The following SOX6 variants were observed in gnomAD, a reference collection of about 807,000 sequenced individuals.
SOX6 encodes transcription factor SOX-6.
Under a neutral mutation model 97.8 loss-of-function variants are expected in SOX6, and 11 were observed. That is an observed-to-expected ratio of 0.11 (90% CI 0.07 to 0.19). SOX6 has a LOEUF of 0.19. SOX6 is among the 10% of genes least tolerant of loss of function. The pLI, the probability that SOX6 is intolerant of heterozygous loss-of-function variation, is 1.00. For synonymous variants in SOX6, 360 were observed against 371.4 expected, an observed-to-expected ratio of 0.97 and a Z score of 0.35; for missense variants, 810 against 1,039.5, an observed-to-expected ratio of 0.78 and a Z score of 3.04.
intron 1 of SOX6, among the ~76,000 whole-genome samples, chr11:16,464,097 T>C (rs1423894555): frequency 6.6e-6 from 1 of 152,196 alleles, no homozygotes; most frequent in Admixed American, 6.5e-5. Context: ...CCTTTTAAGA[T>C]CAAGATTATT....
chr11:16,238,990 AGTATCCAT>A, intron 3 of SOX6, among the ~76,000 whole-genome samples: 1 of 152,246 alleles, frequency 6.6e-6, no homozygotes, highest in South Asian at 2.1e-4. Context: ...ACTTATCAAA[AGTATCCAT>A]GACCTTGGTT....
At chr11:16,212,899 GT>G (rs1331680553) in intron 4 of SOX6, among the ~76,000 whole-genome samples, 1 of 152,150 alleles carries the variant, frequency 6.6e-6, no homozygotes, top group Non-Finnish European at 1.5e-5. Flanking sequence ...GTTCCATGAT[GT>G]TAAAGGCCAG....
At chr11:16,688,838 G>A (rs1397587749) in intron 3 of SOX6, among the ~76,000 whole-genome samples, 2 of 152,208 alleles carry the variant, frequency 1.3e-5, no homozygotes, top group Non-Finnish European at 2.9e-5. Context: ...CTTGATGGGT[G>A]TTGGATGTTT....
chr11:16,644,733 C>G (rs899036247), intron 3 of SOX6, among the ~76,000 whole-genome samples: 1 of 152,138 alleles, frequency 6.6e-6, no homozygotes, highest in Non-Finnish European at 1.5e-5. Context: ...TATATATTCT[C>G]TGTTTGTTGG....
intron 3 of SOX6, among the ~76,000 whole-genome samples, chr11:16,287,912 T>C (rs142637848): frequency 2.4e-4 from 37 of 152,246 alleles, no homozygotes; most frequent in Middle Eastern, 3.4e-3. Context: ...GAAAGATGGG[T>C]TGTAAATGAA....
chr11:16,171,221 C>T (rs1425066416), intron 6 of SOX6, among the ~76,000 whole-genome samples: 1 of 151,952 alleles, frequency 6.6e-6, no homozygotes, highest in African/African-American at 2.4e-5. Flanking sequence ...GCACAAGAAA[C>T]TTCACCCTAC....
chr11:16,187,447 A>T (rs1851510235), intron 4 of SOX6, among the ~76,000 whole-genome samples: 2 of 152,162 alleles, frequency 1.3e-5, no homozygotes, highest in African/African-American at 4.8e-5. Context: ...AAGATATGTC[A>T]CTGAAGTTTA....
chr11:16,287,277 C>G (rs192397653), intron 3 of SOX6, among the ~76,000 whole-genome samples: 3 of 80,812 alleles, frequency 3.7e-5, no homozygotes, highest in Non-Finnish European at 8.7e-5. Context: ...CTCTCTCTCT[C>G]TCTCTCTCTC....
At chr11:16,445,559 T>G (rs1206775334) in intron 1 of SOX6, among the ~76,000 whole-genome samples, 1 of 152,210 alleles carries the variant, frequency 6.6e-6, no homozygotes, top group Non-Finnish European at 1.5e-5. Context: ...ATGTTCTTAC[T>G]GCACTGTATC....
At chr11:16,178,574 G>C (rs1349564837) in intron 6 of SOX6, among the ~76,000 whole-genome samples, 1 of 151,812 alleles carries the variant, frequency 6.6e-6, no homozygotes, top group Non-Finnish European at 1.5e-5. Context: ...CGGAAGCTAG[G>C]GGCTAATCCT....
chr11:16,548,603 T>A (rs796862841), intron 4 of SOX6, among the ~76,000 whole-genome samples: 6 of 152,130 alleles, frequency 3.9e-5, no homozygotes, highest in African/African-American at 1.2e-4. Flanking sequence ...AGACAAAAAT[T>A]TAAAAATTGA....
At chr11:16,125,307 C>T (rs1849582414) in intron 6 of SOX6, among the ~76,000 whole-genome samples, 1 of 151,900 alleles carries the variant, frequency 6.6e-6, no homozygotes, top group African/African-American at 2.4e-5. Context: ...AGCTTACTGA[C>T]AAAAACTAAA....
rs1036871094 is a variant in SOX6, at chr11:16,189,825, T to C, written c.536-2870A>G. On this transcript the variant is annotated intron_variant, in intron 4 of 15. Transcript: ENST00000683767. ...AAGTTAAGAGAAGGTTTATTGGATA[T>C]AGTGATAGTTACTGTACTATAATTT... 2.0e-5 allele frequency among the ~76,000 whole-genome samples: 3 copies of C among 152,160 alleles called. No homozygotes were observed. In the South Asian group the frequency reaches 6.2e-4, roughly 32 times the overall value.
chr11:16,260,281 T>A (rs1262055885), intron 3 of SOX6, among the ~76,000 whole-genome samples: 1 of 152,196 alleles, frequency 6.6e-6, no homozygotes, highest in Non-Finnish European at 1.5e-5. Context: ...ATTACAGGCG[T>A]GAGCCACTGT....
intron 13 of SOX6, among the ~76,000 whole-genome samples, chr11:15,993,753 C>G (rs552525788): frequency 1.3e-5 from 2 of 152,206 alleles, no homozygotes; most frequent in African/African-American, 4.8e-5. Context: ...TAGAAATTGC[C>G]AAGGCAAATA....
intron 3 of SOX6, among the ~76,000 whole-genome samples, chr11:16,272,471 T>C (rs1470873543): frequency 6.6e-6 from 1 of 151,770 alleles, no homozygotes; most frequent in Non-Finnish European, 1.5e-5. Flanking sequence ...AAACAGAATA[T>C]AAAGTGTATA....
rs1565188995 is a variant in SOX6, at chr11:16,594,683, G to GTTTTTTTTTT, written n.609+17397_609+17398insAAAAAAAAAA. Among the ~76,000 whole-genome samples the GTTTTTTTTTT allele has an allele frequency of 1.2e-3, 57 of 47,804 alleles. 1 individual carries two copies. The highest frequency in any genetic ancestry group is 4.3e-3 in the African/African-American group (53 of 12,428). 31.4% of individuals were successfully genotyped at this position (47,804 alleles called of 152,430 possible). A position where few individuals can be genotyped will look rare whatever the true frequency, so the allele number is the denominator to read the frequency against. ...AATTTTTATTTTCTTTTCGGTTTTT[G>GTTTTTTTTTT]CTTTTTTTTTTTTTTTTTTTTTTTT... On this transcript the variant is annotated intron_variant and non_coding_transcript_variant, in intron 4 of 5. Transcript: ENST00000524520.
intron 4 of SOX6, among the ~76,000 whole-genome samples, chr11:16,586,371 G>A (rs1848093537): frequency 6.6e-6 from 1 of 152,134 alleles, no homozygotes; most frequent in Non-Finnish European, 1.5e-5. Flanking sequence ...TAAATACAGA[G>A]AGAGACCTAC....
At chr11:16,639,383 G>C (rs1310032293) in intron 3 of SOX6, among the ~76,000 whole-genome samples, 6 of 152,206 alleles carry the variant, frequency 3.9e-5, no homozygotes, top group African/African-American at 1.2e-4. Context: ...GCTTAGGATT[G>C]ACTTGGCAAT....
Sources: allele counts gnomAD v4.1 joint callset (sites outside exome capture counted in the v4.1 genomes callset), GRCh38; gene constraint gnomAD v4.1.1; transcripts MANE v1.5; gene names NCBI Gene and HGNC (gene_info 2026-07-23, HGNC 2026-07-21).